DACH1: variants seen among roughly 807,000 people sequenced by gnomAD.
The protein encoded by DACH1 is dachshund family transcription factor 1.
Under a neutral mutation model 54.2 loss-of-function variants are expected in DACH1, and 12 were observed. The ratio of observed to expected loss-of-function variants is 0.22; its 90% CI spans 0.14 to 0.36. The LOEUF (loss-of-function observed/expected upper bound fraction) is 0.36. DACH1 is among the 10% of genes least tolerant of loss of function. The pLI is 1.00. For missense variants in DACH1, 805 were observed against 929.8 expected (o/e 0.87, Z 1.75); for synonymous variants, 386 against 366.2 (o/e 1.05, Z -0.62).
At chr13:71,744,105 A>C (rs942890395) in intron 1 of DACH1, among the ~76,000 whole-genome samples, 1 of 152,172 alleles carries the variant, frequency 6.6e-6, no homozygotes, top group Non-Finnish European at 1.5e-5. Context: ...GCACTTAATA[A>C]ATTGACTTGG....
At chr13:71,602,279 T>C (rs1874550603) in intron 3 of DACH1, among the ~76,000 whole-genome samples, 1 of 152,068 alleles carries the variant, frequency 6.6e-6, no homozygotes, top group Non-Finnish European at 1.5e-5. Context: ...TAAAATAAAC[T>C]GCATAATTGC....
At chr13:71,485,084 G>A (rs1471094478) in intron 7 of DACH1, among the ~76,000 whole-genome samples, 1 of 151,480 alleles carries the variant, frequency 6.6e-6, no homozygotes, top group Non-Finnish European at 1.5e-5. Context: ...AGAAAAAAGA[G>A]TAAGCAGAAT....
intron 10 of DACH1, among the ~76,000 whole-genome samples, chr13:71,444,196 C>G (rs1874251803): frequency 6.6e-6 from 1 of 151,996 alleles, no homozygotes; most frequent in Non-Finnish European, 1.5e-5. Context: ...AATTTTGATT[C>G]AAATGATTTC....
intron 10 of DACH1, among the ~76,000 whole-genome samples, chr13:71,447,691 G>T (rs1874593063): frequency 6.6e-6 from 1 of 151,822 alleles, no homozygotes; most frequent in Non-Finnish European, 1.5e-5. Context: ...AAATTAGCTG[G>T]ATGTGGTGGC....
At chr13:71,575,495 T>C (rs904853895) in intron 3 of DACH1, among the ~76,000 whole-genome samples, 1 of 152,058 alleles carries the variant, frequency 6.6e-6, no homozygotes, top group African/African-American at 2.4e-5. Flanking sequence ...AAATGGGAAA[T>C]AGTTATTTCT....
At chr13:71,550,781 G>T (rs1329689003) in intron 6 of DACH1, among the ~76,000 whole-genome samples, 1 of 152,096 alleles carries the variant, frequency 6.6e-6, no homozygotes, top group Non-Finnish European at 1.5e-5. Context: ...TATAATCACA[G>T]AACTAAAAGT....
chr13:71,464,704 C>T, intron 10 of DACH1: 1 of 453,698 alleles, frequency 2.2e-6, no homozygotes, highest in Non-Finnish European at 4.4e-6. Context: ...TTTAATTTCA[C>T]TTTAACTGTT....
At chr13:71,549,015 T>C (rs190499076) in intron 6 of DACH1, among the ~76,000 whole-genome samples, 3 of 152,156 alleles carry the variant, frequency 2.0e-5, no homozygotes, top group Admixed American at 6.6e-5. Flanking sequence ...CCTTCCTCTG[T>C]AGATCACTTC....
At chr13:71,677,509 T>C (rs1880647700) in intron 2 of DACH1, among the ~76,000 whole-genome samples, 1 of 152,178 alleles carries the variant, frequency 6.6e-6, no homozygotes, top group African/African-American at 2.4e-5. Context: ...TTGTTTTGTT[T>C]TGTATTTGTT....
In DACH1 at chr13:71,735,623, C is replaced by CATATATATGGG. The variant is rs1566468522; in HGVS notation, c.849-53714_849-53713insCCCATATATAT. On this transcript the variant is annotated intron_variant, in intron 1 of 10. Coordinates refer to ENST00000613252, the MANE Select transcript of DACH1 (RefSeq NM_080759.6). ...GTATATGGGATATACGTGTATATGG[C>CATATATATGGG]ATATGTGTATATGGGATATACGTGT... 9.5e-4 allele frequency among the ~76,000 whole-genome samples: 117 copies of CATATATATGGG among 123,358 alleles called. 1 individual carries two copies. The highest frequency in any genetic ancestry group is 4.5e-3 in the African/African-American group (104 of 23,088). 80.9% of individuals were successfully genotyped at this position (123,358 alleles called of 152,430 possible). A position where few individuals can be genotyped will look rare whatever the true frequency, so the allele number is the denominator to read the frequency against.
chr13:71,734,176 ATGTATAT>A (rs1336240137), intron 1 of DACH1, among the ~76,000 whole-genome samples: 3 of 106,766 alleles, frequency 2.8e-5, no homozygotes, highest in African/African-American at 3.8e-5. Flanking sequence ...CCCCATATAT[ATGTATAT>A]CCCATATACG....
intron 3 of DACH1, among the ~76,000 whole-genome samples, chr13:71,612,783 T>A (rs1056248471): frequency 1.3e-5 from 2 of 152,170 alleles, no homozygotes; most frequent in Non-Finnish European, 2.9e-5. Context: ...AAAATGCAGC[T>A]TAAAATGAAG....
intron 6 of DACH1, among the ~76,000 whole-genome samples, chr13:71,538,807 A>T (rs150000286): frequency 6.6e-6 from 1 of 152,234 alleles, no homozygotes; most frequent in African/African-American, 2.4e-5. Flanking sequence ...TTAAAACAAA[A>T]ATAAACACAA....
chr13:71,622,112 ATTAT>A (rs1341066158), intron 3 of DACH1, among the ~76,000 whole-genome samples: 3 of 151,900 alleles, frequency 2.0e-5, no homozygotes, highest in Non-Finnish European at 2.9e-5. Context: ...CAACTACTAT[ATTAT>A]TTATTTATTA....
chr13:71,458,451 C>T (rs143730314), intron 10 of DACH1, among the ~76,000 whole-genome samples: 1 of 151,834 alleles, frequency 6.6e-6, no homozygotes, highest in East Asian at 1.9e-4. Flanking sequence ...TTCAGAAGTA[C>T]TGGGTTAAAG....
In DACH1 at chr13:71,726,542, A is replaced by G. The variant is rs1246675490; in HGVS notation, c.849-44632T>C. Among the ~76,000 whole-genome samples, 54 of 152,120 alleles carry G rather than the reference A, an allele frequency of 3.5e-4. 2 individuals are homozygous for G. Among genetic ancestry groups the G allele is most frequent in the Admixed American group, 3.5e-3 (54 of 15,266 alleles). On this transcript the variant is annotated intron_variant, in intron 1 of 10. Coordinates refer to ENST00000613252, the MANE Select transcript of DACH1 (RefSeq NM_080759.6). ...GTGATTTTTTTGTCATCCAATAAATAGGCAATGAAAAATCTATATTTAAAT... is the reference window on the plus strand; with the variant it reads ...GTGATTTTTTTGTCATCCAATAAATGGGCAATGAAAAATCTATATTTAAAT...
chr13:71,593,972 T>A (rs908418115), intron 3 of DACH1, among the ~76,000 whole-genome samples: 2 of 151,458 alleles, frequency 1.3e-5, no homozygotes, highest in Non-Finnish European at 3.0e-5. Flanking sequence ...GTTAACAATA[T>A]AATTTCCAAT....
chr13:71,760,685 G>C (rs1885367409), intron 1 of DACH1, among the ~76,000 whole-genome samples: 1 of 152,198 alleles, frequency 6.6e-6, no homozygotes, highest in African/African-American at 2.4e-5. Context: ...ACTCAAGGGT[G>C]TTGTAGTGGT....
intron 1 of DACH1, among the ~76,000 whole-genome samples, chr13:71,731,740 A>G (rs1333850167): frequency 1.3e-5 from 2 of 152,196 alleles, no homozygotes; most frequent in Non-Finnish European, 2.9e-5. Context: ...GCTCAATCCA[A>G]CTGGATCCAA....
Sources: gnomAD v4.1 joint callset for allele counts (sites outside exome capture counted in the v4.1 genomes callset) on GRCh38, gnomAD v4.1.1 for gene constraint, MANE v1.5 for transcripts, NCBI Gene and HGNC (gene_info 2026-07-23, HGNC 2026-07-21) for gene names.